Variants in ARL15 observed in about 807,000 individuals in gnomAD.
The protein encoded by ARL15 is ADP-ribosylation factor-like protein 15.
In ARL15, 19 loss-of-function variants were observed where a neutral mutation model predicts 25.2. The ratio of observed to expected loss-of-function variants is 0.75; its 90% CI spans 0.53 to 1.10. ARL15 has a LOEUF of 1.10. Among genes scored for constraint, ARL15 ranks in the 50% least tolerant of loss-of-function variants. ARL15 has a pLI of 0.00. For synonymous variants in ARL15, 94 were observed against 86.8 expected (o/e 1.08, Z -0.46); for missense variants, 220 against 246.0 (o/e 0.89, Z 0.71).
At chr5:54,020,141 T>TA (rs1749549453) in intron 4 of ARL15, among the ~76,000 whole-genome samples, 1 of 152,328 alleles carries the variant, frequency 6.6e-6, no homozygotes, top group African/African-American at 2.4e-5. Context: ...AATGAGATTT[T>TA]AAAAATCAGT....
At chr5:53,907,655 G>A (rs1275460465) in intron 4 of ARL15, among the ~76,000 whole-genome samples, 1 of 150,520 alleles carries the variant, frequency 6.6e-6, no homozygotes, top group African/African-American at 2.4e-5. Context: ...CCTCCACCAT[G>A]CCCTGCTAAT....
chr5:53,995,038 C>T (rs1400724330), intron 4 of ARL15, among the ~76,000 whole-genome samples: 6 of 152,042 alleles, frequency 3.9e-5, no homozygotes, highest in South Asian at 4.1e-4. Flanking sequence ...AGGCTGGGCG[C>T]GGTGGCTCAT....
Position 54,113,379 on chromosome 5 carries a change from G to A in ARL15, c.285C>T (p.Arg95=). The A allele has an allele frequency of 6.2e-7, 1 of 1,613,924 alleles. No individual in the cohort carries two copies. The highest frequency in any genetic ancestry group is 1.1e-5 in the South Asian group (1 of 91,082). Residue 95 remains arginine (R), a synonymous_variant, in exon 4 of 5, where the codon CGC becomes CGT. Coordinates refer to ENST00000504924, the MANE Select transcript of ARL15 (RefSeq NM_019087.3). ...TTACCCCTTGAGATCCTTGGTAGTAGCGGCTCCAGTATTTCCGGATGTTAT... is the reference window on the plus strand; with the variant it reads ...TTACCCCTTGAGATCCTTGGTAGTAACGGCTCCAGTATTTCCGGATGTTAT... ...GADNIRKYWS[R]YYQGSQGVIF...
intron 4 of ARL15, among the ~76,000 whole-genome samples, chr5:53,914,137 CCACACACACACTCTCACA>C (rs1745552524): frequency 6.7e-6 from 1 of 148,572 alleles, no homozygotes; most frequent in African/African-American, 2.5e-5. Context: ...GTGCACAGGC[CCACACACACACTCTCACA>C]CACACACACA....
intron 4 of ARL15, among the ~76,000 whole-genome samples, chr5:54,039,824 A>C (rs938974105): frequency 6.6e-6 from 1 of 151,380 alleles, no homozygotes; most frequent in Non-Finnish European, 1.5e-5. Context: ...AAAAAAAAAA[A>C]AACAAGGCAA....
At chr5:54,204,401 C>T (rs1357967367) in intron 1 of ARL15, among the ~76,000 whole-genome samples, 1 of 152,188 alleles carries the variant, frequency 6.6e-6, no homozygotes, top group African/African-American at 2.4e-5. Flanking sequence ...TCCCTCTGCA[C>T]GTTTCTGCTG....
At chr5:54,308,369 A>AT (rs1050870090) in intron 1 of ARL15, among the ~76,000 whole-genome samples, 1 of 151,956 alleles carries the variant, frequency 6.6e-6, no homozygotes, top group Non-Finnish European at 1.5e-5. Flanking sequence ...GCACTTGTGA[A>AT]TTTTAGATGG....
chr5:54,153,506 TTA>T (rs1045636496), intron 3 of ARL15, among the ~76,000 whole-genome samples: 4 of 152,190 alleles, frequency 2.6e-5, no homozygotes, highest in African/African-American at 9.6e-5. Flanking sequence ...AGAAAAATTA[TTA>T]TAAGAACATT....
At chr5:53,996,038 C>T (rs1368887077) in intron 4 of ARL15, among the ~76,000 whole-genome samples, 1 of 152,110 alleles carries the variant, frequency 6.6e-6, no homozygotes, top group African/African-American at 2.4e-5. Flanking sequence ...GGTTTGTCTC[C>T]TGGGGGTTCA....
chr5:54,030,338 G>A (rs1413615584), intron 4 of ARL15, among the ~76,000 whole-genome samples: 12 of 152,166 alleles, frequency 7.9e-5, no homozygotes, highest in Admixed American at 7.9e-4. Context: ...GTTGTGGACT[G>A]CTCCATAGAA....
Position 54,093,437 on chromosome 5 carries a change from A to T in ARL15, c.462+19765T>A, listed in dbSNP as rs567077970. On this transcript the variant is annotated intron_variant, in intron 4 of 4. Coordinates refer to ENST00000504924, the MANE Select transcript of ARL15 (RefSeq NM_019087.3). ...GGTAAGGATGTGACAGAGCCTGCTC[A>T]TTCTCCCTGCACTCACTTTGGCACA... 2.0e-5 allele frequency among the ~76,000 whole-genome samples: 3 copies of T among 152,256 alleles called. No individual in the cohort carries two copies. In the East Asian group the frequency reaches 5.8e-4, roughly 29 times the overall value.
intron 4 of ARL15, among the ~76,000 whole-genome samples, chr5:54,071,616 G>A (rs1414181277): frequency 1.3e-5 from 2 of 148,636 alleles, no homozygotes; most frequent in African/African-American, 4.9e-5. Context: ...GCACTTTTTG[G>A]TACATTAATG....
intron 1 of ARL15, among the ~76,000 whole-genome samples, chr5:54,304,857 T>TA (rs899891342): frequency 2.6e-5 from 4 of 152,178 alleles, no homozygotes; most frequent in Non-Finnish European, 5.9e-5. Flanking sequence ...CTTTTTTTTT[T>TA]ATCAATAAAG....
rs1332412603 is a variant in ARL15 at position 54,286,210 on chromosome 5, A to G, written c.48+24222T>C. 2.0e-5 allele frequency: 3 copies of G among 152,196 alleles called. No homozygotes were observed. The East Asian group carries it at 5.8e-4, about 29-fold the overall frequency. The allele number at this position is 152,196 out of a possible 1,614,324, so 9.4% of individuals were successfully genotyped here. A position where few individuals can be genotyped will look rare whatever the true frequency, so the allele number is the denominator to read the frequency against. On this transcript the variant is annotated intron_variant, in intron 1 of 4. Transcript: ENST00000504924. ...CAGCATATATTTTATAGCTTCTTCA[A>G]ATTAGGAGAAAGGATGATGATAATC...
intron 4 of ARL15, among the ~76,000 whole-genome samples, chr5:53,994,164 G>A (rs567006707): frequency 7.2e-5 from 11 of 152,168 alleles, no homozygotes; most frequent in African/African-American, 2.4e-4. Flanking sequence ...TAAACATTCC[G>A]TCATATAGTA....
At chr5:54,216,079 G>A (rs1325106228) in intron 1 of ARL15, among the ~76,000 whole-genome samples, 1 of 152,146 alleles carries the variant, frequency 6.6e-6, no homozygotes, top group African/African-American at 2.4e-5. Flanking sequence ...GCTGGCTGGA[G>A]AGAAACATTG....
chr5:53,897,559 G>A (rs1408969573), intron 4 of ARL15, among the ~76,000 whole-genome samples: 1 of 152,138 alleles, frequency 6.6e-6, no homozygotes, highest in Non-Finnish European at 1.5e-5. Flanking sequence ...GTAAACACAT[G>A]TTTTCATTTC....
At chr5:54,216,987 G>A (rs1756226686) in intron 1 of ARL15, among the ~76,000 whole-genome samples, 2 of 151,692 alleles carry the variant, frequency 1.3e-5, no homozygotes, top group African/African-American at 4.8e-5. Flanking sequence ...AATAGTTTAA[G>A]GTAAAAACAA....
At chr5:54,307,228 C>A in intron 1 of ARL15, among the ~76,000 whole-genome samples, 1 of 152,190 alleles carries the variant, frequency 6.6e-6, no homozygotes, top group Non-Finnish European at 1.5e-5. Flanking sequence ...AGGATTATAT[C>A]TTGATCATCT....
Sources: allele counts gnomAD v4.1 joint callset (sites outside exome capture counted in the v4.1 genomes callset), GRCh38; gene constraint gnomAD v4.1.1; transcripts MANE v1.5; gene names NCBI Gene and HGNC (gene_info 2026-07-23, HGNC 2026-07-21).